The following TAF6L variants were observed in gnomAD, a reference collection of about 807,000 sequenced individuals.
TAF6L encodes the protein TATA-box binding protein associated factor 6 like.
A neutral mutation model predicts 57.3 loss-of-function variants in TAF6L; 34 were observed. The observed-to-expected ratio is 0.59, with a 90% CI of 0.45 to 0.79. The LOEUF (loss-of-function observed/expected upper bound fraction) is 0.79. Ranked by LOEUF, TAF6L falls within the 30% of genes least tolerant of loss-of-function variation. TAF6L has a pLI of 0.00. For synonymous variants in TAF6L, 417 were observed against 376.3 expected (o/e 1.11, Z -1.25); for missense variants, 782 against 853.2 (o/e 0.92, Z 1.04).
rs2084284359 is a variant in TAF6L at position 62,786,904 on chromosome 11, A to G, written c.1477A>G (p.Ile493Val). The change falls in exon 11 of 11, where the codon ATA becomes GTA. Residue 493 changes from isoleucine to valine, a missense_variant. Transcript: ENST00000294168. ...GATGCCGCAGCTGACGGCAAGCGCC[A>G]TAGTCAGCCCGCACGGCGACGAGAG... is the stretch of plus-strand genomic sequence containing the variant. Reference protein sequence around the residue: ...RKMPQLTASAIVSPHGDESPR... With the variant: ...RKMPQLTASAVVSPHGDESPR... 1.3e-6 allele frequency: 2 copies of G among 1,527,688 alleles called. No homozygotes were observed. Among genetic ancestry groups the G allele is most frequent in the South Asian group, 1.2e-5 (1 of 84,044 alleles). The allele number at this position is 1,527,688 out of a possible 1,614,324, so 94.6% of individuals were successfully genotyped here. A position where few individuals can be genotyped will look rare whatever the true frequency, so the allele number is the denominator to read the frequency against.
In TAF6L at chr11:62,785,582, T is replaced by C. The variant is rs1046911728; in HGVS notation, c.961-678T>C. Among the ~76,000 whole-genome samples the C allele has an allele frequency of 2.9e-3, 440 of 150,496 alleles. 2 individuals carry two copies. Among genetic ancestry groups the C allele is most frequent in the African/African-American group, 9.5e-3 (388 of 40,900 alleles). On this transcript the variant is annotated intron_variant, in intron 9 of 10. Coordinates refer to ENST00000294168, the MANE Select transcript of TAF6L (RefSeq NM_006473.4). ...CGGAGTCTCACTTTGCTTCCCAGGGTGGAGTGCGGTGGTGTGATCTCGGCT... is the reference window on the plus strand; with the variant it reads ...CGGAGTCTCACTTTGCTTCCCAGGGCGGAGTGCGGTGGTGTGATCTCGGCT...
In TAF6L at chr11:62,775,762, C is replaced by G; in HGVS notation, c.-13-9C>G. 6.3e-7 allele frequency: 1 copy of G among 1,594,696 alleles called. No individual in the cohort carries two copies. Among genetic ancestry groups the G allele is most frequent in the Non-Finnish European group, 8.5e-7 (1 of 1,174,376 alleles). ...GGCAGCTTTTCCAGTCTTCATTCTC[C>G]ACTCCCAGCTCCACTGGGGCCATGT... On this transcript the variant is annotated splice_polypyrimidine_tract_variant and intron_variant, in intron 1 of 10. Transcript: ENST00000294168.
In TAF6L at chr11:62,776,379, C is replaced by G. The variant is rs369101203; in HGVS notation, c.148-5C>G. The G allele has an allele frequency of 6.2e-7, 1 of 1,613,166 alleles. No homozygotes were observed. On this transcript the variant is annotated splice_polypyrimidine_tract_variant and splice_region_variant and intron_variant, in intron 2 of 10. Coordinates refer to ENST00000294168, the MANE Select transcript of TAF6L (RefSeq NM_006473.4). The stretch of plus-strand genomic sequence containing the variant: ...TGACTCTGGCTTTTGTTCCCTCCCT[C>G]CCAGAATAGCTCTCAGTTCATGAAG...
At chr11:62,781,649 C>A (rs1421471939) in intron 6 of TAF6L, 1 of 352,176 alleles carries the variant, frequency 2.8e-6, no homozygotes, top group Admixed American at 5.2e-5. Flanking sequence ...GGCGACAGAG[C>A]GAGACTCGGT....
In TAF6L at chr11:62,777,539, G is replaced by A. The variant is rs569289098; in HGVS notation, c.235-439G>A. ...AAAGGGTGGTGAAGAACTTGAGCTT[G>A]GCTTAAACTAGGCCAAGAGGAAAAG... On this transcript the variant is annotated intron_variant, in intron 3 of 10. Transcript: ENST00000294168. 1.9e-4 allele frequency among the ~76,000 whole-genome samples: 29 copies of A among 152,184 alleles called. No individual in the cohort carries two copies. In the South Asian group the frequency reaches 3.9e-3, roughly 21 times the overall value.
In TAF6L at chr11:62,787,012, CGGGCGCGCGGGGCACCCCGGCAGCA is replaced by C; in HGVS notation, c.1590_1614del (p.Arg531ProfsTer26). 1 of 1,487,364 alleles carries C rather than the reference CGGGCGCGCGGGGCACCCCGGCAGCA, an allele frequency of 6.7e-7. No homozygotes were observed. Among genetic ancestry groups the C allele is most frequent in the Non-Finnish European group, 8.9e-7 (1 of 1,128,156 alleles). The allele number at this position is 1,487,364 out of a possible 1,614,324, so 92.1% of individuals were successfully genotyped here. ...GAGCAGGCCCTTGCCGCGCGTGCAT[CGGGCGCGCGGGGCACCCCGGCAGCA>C]GGGCCCCGGGACCGGCACCCGCGAC... On this transcript the variant is annotated frameshift_variant, in exon 11 of 11. Transcript: ENST00000294168. LOFTEE classifies it high-confidence loss of function.
chr11:62,787,233 C>T lies in TAF6L; in HGVS notation c.1806C>T (p.Gly602=), dbSNP rs1590940732. The change falls in exon 11 of 11, where the codon GGC becomes GGT. Residue 602 remains glycine (G), a synonymous_variant. Transcript: ENST00000294168. ...ACGTGCAGAAACTGCCCATGATCGG[C>T]CGTACCAGCCGCCCCGCCCGCCGGT... ...SRYVQKLPMI[G]RTSRPARRWA... 2.5e-6 allele frequency: 4 copies of T among 1,571,338 alleles called. No individual in the cohort carries two copies. The highest frequency in any genetic ancestry group is 2.6e-6 in the Non-Finnish European group (3 of 1,166,634).
intron 3 of TAF6L, 25 bp from the exon 4 acceptor site, chr11:62,777,953 G>A (rs778142241): frequency 6.2e-7 from 1 of 1,612,248 alleles, no homozygotes; most frequent in African/African-American, 1.3e-5. Flanking sequence ...GATTCAGGCT[G>A]CTCTCCAATT....
rs894831150 is a variant in TAF6L, at chr11:62,784,405, C to T, written c.960+1580C>T. The stretch of plus-strand genomic sequence containing the variant: ...CTGCAACCTCCGCCTCCCGGGTTCA[C>T]GCCATTCTCCTGCCTCAGCCTCCCG... On this transcript the variant is annotated intron_variant, in intron 9 of 10. Coordinates refer to ENST00000294168, the MANE Select transcript of TAF6L (RefSeq NM_006473.4). 9.3e-5 allele frequency among the ~76,000 whole-genome samples: 14 copies of T among 150,920 alleles called. 1 individual carries two copies. Among genetic ancestry groups the T allele is most frequent in the Admixed American group, 8.6e-4 (13 of 15,120 alleles).
At chr11:62,772,231 G>A in intron 1 of TAF6L, 1 of 430,394 alleles carries the variant, frequency 2.3e-6, no homozygotes, top group Non-Finnish European at 4.7e-6. Flanking sequence ...ATAGTACAGT[G>A]CTATTCGTGG....
At chr11:62,774,810 G>T in intron 1 of TAF6L, 1 of 326,282 alleles carries the variant, frequency 3.1e-6, no homozygotes, top group Non-Finnish European at 6.4e-6. Context: ...TTAGCTGGGC[G>T]TGGTGGCACG....
At chr11:62,772,123 A>G (rs574982456) in intron 1 of TAF6L, 10 of 456,220 alleles carry the variant, frequency 2.2e-5, no homozygotes, top group Admixed American at 9.4e-5. Context: ...CTGAGGTTTG[A>G]TTTCCTTGCC....
At chr11:62,779,112 C>T in intron 6 of TAF6L, 149 bp downstream of exon 6, 1 of 644,000 alleles carries the variant, frequency 1.6e-6, no homozygotes, top group Non-Finnish European at 2.7e-6. Flanking sequence ...CCTCTGCCTC[C>T]CAGGTTCAAG....
chr11:62,772,504 C>T lies in TAF6L; in HGVS notation c.-14+1014C>T, dbSNP rs563312115. Reference sequence around the variant, plus strand: ...CGCCACTGTACTCCAGCCTGGGTGACAGAGCGAGACTGTGTCTCCAAAAAA... The same window carrying T: ...CGCCACTGTACTCCAGCCTGGGTGATAGAGCGAGACTGTGTCTCCAAAAAA... On this transcript the variant is annotated intron_variant, in intron 1 of 10. Coordinates refer to ENST00000294168, the MANE Select transcript of TAF6L (RefSeq NM_006473.4). Among the ~76,000 whole-genome samples, 4 of 143,310 alleles carry T rather than the reference C, an allele frequency of 2.8e-5. No homozygotes were observed. In the South Asian group the frequency reaches 6.6e-4, roughly 24 times the overall value. The allele number at this position is 143,310 out of a possible 152,430, so 94.0% of individuals were successfully genotyped here.
intron 6 of TAF6L, among the ~76,000 whole-genome samples, 164 bp downstream of exon 6, chr11:62,779,127 T>C (rs2084208856): frequency 6.6e-6 from 1 of 151,954 alleles, no homozygotes; most frequent in Admixed American, 6.6e-5. Flanking sequence ...TTCAAGTGAT[T>C]CTCCTGCCTC....
At chr11:62,783,068 T>C (rs2084242124) in intron 9 of TAF6L, among the ~76,000 whole-genome samples, 1 of 152,364 alleles carries the variant, frequency 6.6e-6, no homozygotes, top group East Asian at 1.9e-4. Context: ...TTCTATATTA[T>C]CACATTAAGA....
intron 1 of TAF6L, chr11:62,771,833 C>T (rs1166121563): frequency 1.0e-5 from 3 of 297,520 alleles, no homozygotes; most frequent in Non-Finnish European, 2.0e-5. Flanking sequence ...TAGGGAAACT[C>T]CCTCCGTGCC....
At chr11:62,780,936 CAAAA>C (rs1302371766) in intron 6 of TAF6L, among the ~76,000 whole-genome samples, 11 of 52,280 alleles carry the variant, frequency 2.1e-4, no homozygotes, top group East Asian at 6.5e-4. Context: ...GACTCCATCT[CAAAA>C]AAAAAAAAAA....
rs186394049 is a variant in TAF6L, at chr11:62,782,724, C to T, written c.859C>T (p.Gln287Ter). 1 of 1,612,468 alleles carries T rather than the reference C, an allele frequency of 6.2e-7. No individual in the cohort carries two copies. The highest frequency in any genetic ancestry group is 8.5e-7 in the Non-Finnish European group (1 of 1,180,030). The change falls in exon 9 of 11, where the codon CAG becomes TAG. Residue 287 changes from glutamine (Q) to a stop codon, truncating the protein, a stop_gained. Coordinates refer to ENST00000294168, the MANE Select transcript of TAF6L (RefSeq NM_006473.4). LOFTEE classifies it high-confidence loss of function. The part of the protein sequence containing the change: ...THGDLVSGLY[Q>*]HILLSLQKIL... Reference sequence around the variant, plus strand: ...TGGGGACCTTGTAAGTGGCCTCTATCAGCATATCCTGCTATCCCTGCAGAA... The same window carrying T: ...TGGGGACCTTGTAAGTGGCCTCTATTAGCATATCCTGCTATCCCTGCAGAA...
Sources: allele counts gnomAD v4.1 joint callset (sites outside exome capture counted in the v4.1 genomes callset), GRCh38; gene constraint gnomAD v4.1.1; transcripts MANE v1.5; gene names NCBI Gene and HGNC (gene_info 2026-07-23, HGNC 2026-07-21).